The following NLGN4X variants were observed in gnomAD, a reference collection of about 807,000 sequenced individuals.
NLGN4X encodes neuroligin 4 X-linked, also known as neuroligin-4, X-linked.
A neutral mutation model predicts 40.3 loss-of-function variants in NLGN4X; 3 were observed. The observed-to-expected ratio is 0.07, with a 90% CI of 0.03 to 0.19. NLGN4X has a LOEUF of 0.19. NLGN4X is among the 10% of genes least tolerant of loss of function. The pLI is 1.00. For synonymous variants in NLGN4X, 270 were observed against 306.8 expected (o/e 0.88, Z 1.25); for missense variants, 382 against 708.3 (o/e 0.54, Z 5.23).
At chrX:5,967,547 G>C (rs144664726) in intron 3 of NLGN4X, among the ~76,000 whole-genome samples, 7,548 of 110,042 alleles carry the variant, frequency 0.069, 635 homozygotes, top group African/African-American at 0.23. Flanking sequence ...GTTAGAAGCT[G>C]AGTCATTCCA....
chrX:5,974,228 C>T (rs1248005701), intron 3 of NLGN4X, among the ~76,000 whole-genome samples: 2 of 112,114 alleles, frequency 1.8e-5, no homozygotes, highest in Non-Finnish European at 3.8e-5. Context: ...AAACCACATG[C>T]ACAATTAACT....
At chrX:5,949,734 T>C (rs2034246102) in intron 3 of NLGN4X, among the ~76,000 whole-genome samples, 1 of 112,204 alleles carries the variant, frequency 8.9e-6, no homozygotes, top group South Asian at 3.7e-4. Flanking sequence ...GGTGCAATTG[T>C]TCACACATTA....
At chrX:6,060,595 C>A (rs2037744824) in intron 2 of NLGN4X, among the ~76,000 whole-genome samples, 1 of 111,886 alleles carries the variant, frequency 8.9e-6, no homozygotes, top group Admixed American at 9.6e-5. Context: ...TGCTAAATAG[C>A]ACCTTCTTCT....
At chrX:6,038,771 T>C (rs780444941) in intron 2 of NLGN4X, among the ~76,000 whole-genome samples, 2 of 112,045 alleles carry the variant, frequency 1.8e-5, no homozygotes, top group Non-Finnish European at 3.8e-5. Context: ...TCTTGTATTA[T>C]AAACCCTGGC....
chrX:6,012,467 T>C (rs768697413), intron 3 of NLGN4X, among the ~76,000 whole-genome samples: 2 of 112,044 alleles, frequency 1.8e-5, no homozygotes, highest in South Asian at 3.7e-4. Flanking sequence ...AATACATTGG[T>C]TGTACACACA....
chrX:5,943,098 A>G (rs1245241073), intron 3 of NLGN4X, among the ~76,000 whole-genome samples: 1 of 111,556 alleles, frequency 9.0e-6, no homozygotes, highest in East Asian at 2.8e-4. Context: ...CAGACAAGCC[A>G]TGCAACTTGG....
At chrX:6,042,487 A>G (rs2037183766) in intron 2 of NLGN4X, among the ~76,000 whole-genome samples, 1 of 106,348 alleles carries the variant, frequency 9.4e-6, no homozygotes, top group South Asian at 4.2e-4. Context: ...CTGATAGACA[A>G]TATTATCTCG....
At chrX:6,100,974 T>C (rs888997147) in intron 2 of NLGN4X, among the ~76,000 whole-genome samples, 2 of 111,266 alleles carry the variant, frequency 1.8e-5, no homozygotes, top group African/African-American at 3.3e-5. Context: ...ATCGATTGCA[T>C]TCCAAGAGGC....
intron 2 of NLGN4X, among the ~76,000 whole-genome samples, chrX:6,036,024 T>C (rs1422882271): frequency 9.0e-6 from 1 of 111,626 alleles, no homozygotes; most frequent in Non-Finnish European, 1.9e-5. Context: ...AAGTTTTAAG[T>C]GAATTTTCGA....
chrX:5,991,872 T>A (rs1027711274), intron 3 of NLGN4X, among the ~76,000 whole-genome samples: 1 of 112,060 alleles, frequency 8.9e-6, no homozygotes, highest in Admixed American at 9.5e-5. Context: ...TTCCATTTAA[T>A]GAAGGGGGAA....
At position 5,892,467 on chromosome X, in the gene NLGN4X, A is replaced by G; in HGVS notation, c.*350T>C. ...TCCTTGGCTGAGTTTCAGAAGTGTC[A>G]GCTGCTTCCATGACGTTGGAAACAC... On this transcript the variant is annotated 3_prime_UTR_variant, in exon 6 of 6. Coordinates refer to ENST00000381095, the MANE Select transcript of NLGN4X (RefSeq NM_181332.3). 1 of 239,883 alleles carries G rather than the reference A, an allele frequency of 4.2e-6. No homozygotes were observed. Among genetic ancestry groups the G allele is most frequent in the Non-Finnish European group, 7.6e-6 (1 of 132,255 alleles). The allele number at this position is 239,883 out of a possible 1,213,427, so 19.8% of individuals were successfully genotyped here.
In NLGN4X at chrX:5,903,862, G is replaced by C; in HGVS notation, c.816C>G (p.Leu272=). 1 of 1,212,021 alleles carries C rather than the reference G, an allele frequency of 8.3e-7. No homozygotes were observed. The highest frequency in any genetic ancestry group is 1.8e-5 in the South Asian group (1 of 57,003). Residue 272 remains leucine, a synonymous_variant, in exon 5 of 6, where the codon CTC becomes CTG. Coordinates refer to ENST00000381095, the MANE Select transcript of NLGN4X (RefSeq NM_181332.3). ...LLTLSHYSEG[L]FQKAIIQSGT... ...CGCTCTGAATGATGGCCTTCTGGAA[G>C]AGACCTGCAGGTGCAAAATTGTGGA... is the stretch of plus-strand genomic sequence containing the variant.
At chrX:6,202,338 CTTTTT>C (rs112598776) in intron 1 of NLGN4X, among the ~76,000 whole-genome samples, 1 of 92,685 alleles carries the variant, frequency 1.1e-5, no homozygotes, top group Non-Finnish European at 2.2e-5. Context: ...TTTTCATTTT[CTTTTT>C]TTTTTTTTTT....
chrX:6,125,878 AG>A (rs1236333566), intron 2 of NLGN4X, among the ~76,000 whole-genome samples: 3 of 111,629 alleles, frequency 2.7e-5, no homozygotes, highest in African/African-American at 9.7e-5. Context: ...TCATTTATGA[AG>A]GTAGATGTAG....
rs764317350 is a variant in NLGN4X, at chrX:5,905,845, C to T, written c.812-1979G>A. 2.7e-5 allele frequency among the ~76,000 whole-genome samples: 3 copies of T among 111,414 alleles called. No individual in the cohort carries two copies. The East Asian group carries it at 8.5e-4, about 32-fold the overall frequency. On this transcript the variant is annotated intron_variant, in intron 4 of 5. Coordinates refer to ENST00000381095, the MANE Select transcript of NLGN4X (RefSeq NM_181332.3). ...CAGATGCGTCTCTTTTTTGTAGAGA[C>T]GGGGTTTCGCCATGTTGTTCAGGCT... is the stretch of plus-strand genomic sequence containing the variant.
rs760913074 is a variant in NLGN4X at position 6,204,527 on chromosome X, G to T, written c.-306+24014C>A. Among the ~76,000 whole-genome samples, 19 of 112,044 alleles carry T rather than the reference G, an allele frequency of 1.7e-4. No homozygotes were observed. In the South Asian group the frequency reaches 4.2e-3, roughly 25 times the overall value. The stretch of plus-strand genomic sequence containing the variant: ...CAAAAAGCAAATGATGAGACCCAGA[G>T]CTGTGGATGCCGGCCTCTGAACAGG... On this transcript the variant is annotated intron_variant, in intron 1 of 5. Transcript: ENST00000381095.
At chrX:6,036,876 C>T (rs1050695103) in intron 2 of NLGN4X, among the ~76,000 whole-genome samples, 3 of 111,664 alleles carry the variant, frequency 2.7e-5, no homozygotes, top group African/African-American at 9.8e-5. Context: ...CTCAATGTCC[C>T]TAATCCTGAA....
intron 3 of NLGN4X, among the ~76,000 whole-genome samples, chrX:6,028,755 GATC>G (rs1168587615): frequency 9.0e-6 from 1 of 111,606 alleles, no homozygotes; most frequent in Non-Finnish European, 1.9e-5. Context: ...TTTAATCGTA[GATC>G]ATCAATGGAC....
chrX:6,022,971 C>T (rs754132986), intron 3 of NLGN4X, among the ~76,000 whole-genome samples: 1 of 111,766 alleles, frequency 8.9e-6, no homozygotes, highest in African/African-American at 3.3e-5. Flanking sequence ...GACTCCAAAG[C>T]GTCTAATAGG....
Sources: allele counts gnomAD v4.1 joint callset (sites outside exome capture counted in the v4.1 genomes callset), GRCh38; gene constraint gnomAD v4.1.1; transcripts MANE v1.5; gene names NCBI Gene and HGNC (gene_info 2026-07-23, HGNC 2026-07-21).